Variants in ARB2A observed in about 807,000 individuals in gnomAD.
ARB2A encodes cotranscriptional regulator ARB2A.
At chr5:93,889,610 GA>G in the ARB2A span, among the ~76,000 whole-genome samples, 1 of 151,806 alleles carries the variant, frequency 6.6e-6, no homozygotes, top group Non-Finnish European at 1.5e-5. Flanking sequence ...CCAAGAACAT[GA>G]AAATATTAAT....
the ARB2A span, among the ~76,000 whole-genome samples, chr5:94,095,188 ATAGT>A: frequency 6.6e-6 from 1 of 152,182 alleles, no homozygotes; most frequent in Non-Finnish European, 1.5e-5. Context: ...CCTAAGTCAC[ATAGT>A]TAGTATTTCT....
chr5:94,111,089 C>T, the ARB2A span, among the ~76,000 whole-genome samples: 2 of 152,182 alleles, frequency 1.3e-5, no homozygotes, highest in Non-Finnish European at 2.9e-5. Context: ...CATTTTATAA[C>T]TGCACTTTAA....
the ARB2A span, among the ~76,000 whole-genome samples, chr5:93,916,283 C>A: frequency 6.6e-6 from 1 of 152,008 alleles, no homozygotes; most frequent in South Asian, 2.1e-4. Flanking sequence ...AGGGCAATAA[C>A]TAAGTGAGAA....
At chr5:94,065,903 T>C in the ARB2A span, among the ~76,000 whole-genome samples, 1 of 152,152 alleles carries the variant, frequency 6.6e-6, no homozygotes, top group South Asian at 2.1e-4. Context: ...GAACATTTCA[T>C]CCAAGAGCTG....
chr5:93,768,196 G>C, the ARB2A span, among the ~76,000 whole-genome samples: 1 of 151,492 alleles, frequency 6.6e-6, no homozygotes, highest in East Asian at 1.9e-4. Flanking sequence ...GGGACTTGGG[G>C]GGGAAGAGTG....
the ARB2A span, among the ~76,000 whole-genome samples, chr5:93,836,363 A>G: frequency 4.6e-5 from 7 of 152,226 alleles, no homozygotes; most frequent in African/African-American, 1.7e-4. Context: ...TGGCCAGTGG[A>G]GTATCCTTCC....
chr5:93,900,039 T>C, the ARB2A span, among the ~76,000 whole-genome samples: 1 of 152,168 alleles, frequency 6.6e-6, no homozygotes, highest in Non-Finnish European at 1.5e-5. Flanking sequence ...TGATGACATA[T>C]ACTTAGTGAT....
At chr5:93,697,776 A>C in the ARB2A span, among the ~76,000 whole-genome samples, 1 of 152,148 alleles carries the variant, frequency 6.6e-6, no homozygotes, top group East Asian at 1.9e-4. Flanking sequence ...TTATTGAAAT[A>C]AAAACCTCTA....
At chr5:93,966,493 G>A in the ARB2A span, among the ~76,000 whole-genome samples, 5 of 152,000 alleles carry the variant, frequency 3.3e-5, no homozygotes, top group African/African-American at 9.7e-5. Flanking sequence ...TGAAAAACAC[G>A]ATAGAGCAAG....
At chr5:94,038,129 T>G in the ARB2A span, among the ~76,000 whole-genome samples, 1 of 152,088 alleles carries the variant, frequency 6.6e-6, no homozygotes, top group African/African-American at 2.4e-5. Context: ...AACAGAATCT[T>G]TCATTATAAT....
the ARB2A span, among the ~76,000 whole-genome samples, chr5:93,691,496 C>A: frequency 6.6e-6 from 1 of 151,728 alleles, no homozygotes; most frequent in Non-Finnish European, 1.5e-5. Flanking sequence ...TGAAAAGGAA[C>A]AAACAAAGCC....
the ARB2A span, chr5:93,740,459 T>C: frequency 4.4e-6 from 5 of 1,143,170 alleles, no homozygotes; most frequent in African/African-American, 7.8e-5. Context: ...CTTAACTTCT[T>C]TAGACAGTGA....
At chr5:93,709,491 G>A in the ARB2A span, among the ~76,000 whole-genome samples, 1 of 151,450 alleles carries the variant, frequency 6.6e-6, no homozygotes, top group Non-Finnish European at 1.5e-5. Flanking sequence ...AAATTAGCTG[G>A]GCGTGGAGGT....
At chr5:93,723,843 A>C in the ARB2A span, among the ~76,000 whole-genome samples, 1 of 152,070 alleles carries the variant, frequency 6.6e-6, no homozygotes, top group African/African-American at 2.4e-5. Flanking sequence ...AGTTGTGCCT[A>C]GGATTCCAAA....
the ARB2A span, among the ~76,000 whole-genome samples, chr5:94,020,533 G>A: frequency 6.6e-6 from 1 of 152,176 alleles, no homozygotes; most frequent in Non-Finnish European, 1.5e-5. Context: ...TGCCTGGGTA[G>A]GAGTCACTGA....
chr5:93,667,004 T>C, the ARB2A span, among the ~76,000 whole-genome samples: 2 of 152,186 alleles, frequency 1.3e-5, no homozygotes, highest in Non-Finnish European at 2.9e-5. Context: ...CAGAAATGAA[T>C]CTGTAAACTG....
the ARB2A span, among the ~76,000 whole-genome samples, chr5:94,001,479 G>C: frequency 6.6e-6 from 1 of 151,812 alleles, no homozygotes. Context: ...GTTGCCCCAT[G>C]GTCCTTAGAA....
the ARB2A span, among the ~76,000 whole-genome samples, chr5:93,779,120 TGTGTGCGC>T: frequency 6.8e-6 from 1 of 147,876 alleles, no homozygotes; most frequent in East Asian, 2.0e-4. Flanking sequence ...TGTGTGTGTG[TGTGTGCGC>T]GCGCGCGCGC....
At chr5:93,627,772 A>C in the ARB2A span, among the ~76,000 whole-genome samples, 2 of 152,212 alleles carry the variant, frequency 1.3e-5, no homozygotes, top group South Asian at 4.2e-4. Flanking sequence ...TGAGACTTGA[A>C]AGTTGAAACT....
Sources: gnomAD v4.1 joint callset for allele counts (sites outside exome capture counted in the v4.1 genomes callset) on GRCh38, gnomAD v4.1.1 for gene constraint, MANE v1.5 for transcripts, NCBI Gene and HGNC (gene_info 2026-07-23, HGNC 2026-07-21) for gene names.